ITGB6: variants seen among roughly 807,000 people sequenced by gnomAD.
ITGB6 encodes the protein integrin beta-6.
ITGB6 carries 80 observed loss-of-function variants against 84.5 expected under a neutral mutation model. The ratio of observed to expected loss-of-function variants is 0.95; its 90% CI spans 0.79 to 1.14. ITGB6 has a LOEUF of 1.14. Among genes scored for constraint, ITGB6 ranks in the 50% most tolerant of loss-of-function variants. The pLI is 0.00. For synonymous variants in ITGB6, 383 were observed against 354.9 expected, an observed-to-expected ratio of 1.08 and a Z score of -0.89; for missense variants, 1,006 against 968.0, an observed-to-expected ratio of 1.04 and a Z score of -0.52.
intron 12 of ITGB6, among the ~76,000 whole-genome samples, chr2:160,115,250 A>G (rs969127748): frequency 2.0e-5 from 3 of 152,244 alleles, no homozygotes; most frequent in Admixed American, 6.5e-5. Flanking sequence ...ACCCCCTAGT[A>G]GGGGCAGACT....
chr2:160,188,690 G>A (rs7595859), intron 4 of ITGB6, among the ~76,000 whole-genome samples: 46,333 of 151,240 alleles, frequency 0.31, 8,822 homozygotes, highest in Non-Finnish European at 0.42. Context: ...TGCAACCTCC[G>A]CCTCCCTGGT....
intron 10 of ITGB6, among the ~76,000 whole-genome samples, chr2:160,131,168 G>A (rs185843089): frequency 1.8e-4 from 27 of 150,426 alleles, no homozygotes; most frequent in African/African-American, 5.9e-4. Context: ...TATTTCAGAG[G>A]GATAGATCTT....
intron 12 of ITGB6, among the ~76,000 whole-genome samples, chr2:160,120,762 G>T (rs1682998033): frequency 7.2e-6 from 1 of 138,484 alleles, no homozygotes; most frequent in African/African-American, 2.7e-5. Context: ...TCCTTTGTAG[G>T]GACATGGATG....
chr2:160,175,197 C>T (rs1685371888), intron 4 of ITGB6, among the ~76,000 whole-genome samples: 1 of 152,218 alleles, frequency 6.6e-6, no homozygotes, highest in Non-Finnish European at 1.5e-5. Flanking sequence ...ACTTTGTCAG[C>T]ACGAGAAGGT....
chr2:160,132,510 C>G (rs557299390), intron 10 of ITGB6, among the ~76,000 whole-genome samples: 1 of 152,038 alleles, frequency 6.6e-6, no homozygotes, highest in Non-Finnish European at 1.5e-5. Context: ...ATGTTCCTAA[C>G]GCTGTCTTTT....
intron 7 of ITGB6, among the ~76,000 whole-genome samples, chr2:160,160,610 A>G (rs1439772144): frequency 1.3e-5 from 2 of 152,224 alleles, no homozygotes; most frequent in African/African-American, 4.8e-5. Context: ...AAATGAAAAT[A>G]GAAAATACTC....
intron 7 of ITGB6, among the ~76,000 whole-genome samples, chr2:160,160,781 C>T (rs1003300951): frequency 6.6e-6 from 1 of 152,144 alleles, no homozygotes; most frequent in Non-Finnish European, 1.5e-5. Flanking sequence ...TTCAAACTTA[C>T]AGTCCGGGCC....
intron 13 of ITGB6, among the ~76,000 whole-genome samples, chr2:160,111,618 A>G (rs1307320810): frequency 1.4e-5 from 1 of 73,540 alleles, no homozygotes. Flanking sequence ...TTTTTTTGGC[A>G]GAGTCTCACT....
chr2:160,125,629 C>G (rs77199302), intron 11 of ITGB6, among the ~76,000 whole-genome samples: 4,032 of 152,212 alleles, frequency 0.026, 73 homozygotes, highest in South Asian at 0.077. Context: ...CAAATGTCAC[C>G]ATTTTGGGCA....
chr2:160,161,548 T>A (rs1239860791), intron 7 of ITGB6, among the ~76,000 whole-genome samples: 1 of 152,046 alleles, frequency 6.6e-6, no homozygotes, highest in Non-Finnish European at 1.5e-5. Context: ...ACCTCTGCCT[T>A]CCAAAGTGCT....
At chr2:160,148,640 CG>C (rs1684287391) in intron 7 of ITGB6, among the ~76,000 whole-genome samples, 2 of 152,144 alleles carry the variant, frequency 1.3e-5, no homozygotes, top group Admixed American at 6.5e-5. Flanking sequence ...AGAAGCAGGG[CG>C]GGGCATTGCC....
At chr2:160,118,216 G>C (rs992611722) in intron 12 of ITGB6, among the ~76,000 whole-genome samples, 7 of 152,148 alleles carry the variant, frequency 4.6e-5, no homozygotes, top group Non-Finnish European at 1.0e-4. Flanking sequence ...AACAAAAAAA[G>C]AGAATTTTAA....
intron 7 of ITGB6, among the ~76,000 whole-genome samples, chr2:160,150,776 GA>G: frequency 6.6e-6 from 1 of 151,436 alleles, no homozygotes; most frequent in African/African-American, 2.4e-5. Context: ...AAAGCAAATG[GA>G]AAGCAAAAAA....
chr2:160,139,435 C>G (rs1009374064), intron 8 of ITGB6, among the ~76,000 whole-genome samples: 1 of 151,736 alleles, frequency 6.6e-6, no homozygotes, highest in African/African-American at 2.4e-5. Context: ...GTAAGTTTGC[C>G]AAATGTATAG....
At chr2:160,166,160 C>T (rs1481958876) in intron 7 of ITGB6, among the ~76,000 whole-genome samples, 1 of 152,162 alleles carries the variant, frequency 6.6e-6, no homozygotes, top group Admixed American at 6.5e-5. Flanking sequence ...TGCTTGTACT[C>T]CCCTTCTCTC....
chr2:160,125,556 C>T (rs1166452296), intron 11 of ITGB6, among the ~76,000 whole-genome samples: 2 of 152,294 alleles, frequency 1.3e-5, no homozygotes, highest in South Asian at 2.1e-4. Flanking sequence ...AGTTTTGACA[C>T]CTGAATGGTG....
intron 4 of ITGB6, among the ~76,000 whole-genome samples, chr2:160,181,791 G>T (rs1255182611): frequency 6.6e-6 from 1 of 152,198 alleles, no homozygotes; most frequent in Non-Finnish European, 1.5e-5. Context: ...CCAGAGGAAG[G>T]AACAGGCAGC....
chr2:160,104,379 GA>G (rs1323077279), intron 14 of ITGB6, among the ~76,000 whole-genome samples: 1 of 152,184 alleles, frequency 6.6e-6, no homozygotes, highest in Non-Finnish European at 1.5e-5. Context: ...TCTCTACACA[GA>G]CTTTCCAGCT....
At chr2:160,141,379 G>A (rs1231898058) in intron 8 of ITGB6, among the ~76,000 whole-genome samples, 3 of 152,082 alleles carry the variant, frequency 2.0e-5, no homozygotes, top group African/African-American at 4.8e-5. Flanking sequence ...TAACAACACC[G>A]TAGGTATATA....
Sources: allele counts gnomAD v4.1 joint callset (sites outside exome capture counted in the v4.1 genomes callset), GRCh38; gene constraint gnomAD v4.1.1; transcripts MANE v1.5; gene names NCBI Gene and HGNC (gene_info 2026-07-23, HGNC 2026-07-21).